MAP4K4: variants seen among roughly 807,000 people sequenced by gnomAD.
MAP4K4 encodes the protein HPK/GCK-like kinase HGK.
Under a neutral mutation model 189.6 loss-of-function variants are expected in MAP4K4, and 38 were observed. The ratio of observed to expected loss-of-function variants is 0.20; its 90% CI spans 0.15 to 0.26. The LOEUF is 0.26. Ranked by LOEUF, MAP4K4 falls within the 10% of genes least tolerant of loss-of-function variation. MAP4K4 has a pLI of 1.00. For missense variants in MAP4K4, 1,054 were observed against 1,726.9 expected (o/e 0.61, Z 6.91); for synonymous variants, 610 against 624.3 (o/e 0.98, Z 0.34).
chr2:101,819,042 G>C (rs1221256196), intron 3 of MAP4K4, among the ~76,000 whole-genome samples: 1 of 152,182 alleles, frequency 6.6e-6, no homozygotes, highest in East Asian at 1.9e-4. Flanking sequence ...TTTGGACTCT[G>C]CCTGGACACA....
chr2:101,824,439 C>T (rs951580217), intron 4 of MAP4K4, among the ~76,000 whole-genome samples: 2 of 152,070 alleles, frequency 1.3e-5, no homozygotes, highest in African/African-American at 4.8e-5. Context: ...AGAGACAGAT[C>T]TCAAGAAACA....
rs148971536 is a variant in MAP4K4, at chr2:101,717,130, T to C, written c.123+18592T>C. Among the ~76,000 whole-genome samples, 5 of 152,302 alleles carry C rather than the reference T, an allele frequency of 3.3e-5. No homozygotes were observed. In the East Asian group the frequency reaches 9.7e-4, roughly 29 times the overall value. ...TGATAAATAAGTCATGAATTTAGCC[T>C]GGGCTTTTGGTGCTCAAATACCTTA... On this transcript the variant is annotated intron_variant, in intron 2 of 32. Transcript: ENST00000324219.
intron 2 of MAP4K4, among the ~76,000 whole-genome samples, chr2:101,754,063 A>C (rs1473418484): frequency 6.6e-6 from 1 of 152,172 alleles, no homozygotes; most frequent in Non-Finnish European, 1.5e-5. Flanking sequence ...TGTTAACTGC[A>C]AAGGCTCAAT....
At chr2:101,762,382 T>C (rs1363508400) in intron 2 of MAP4K4, among the ~76,000 whole-genome samples, 2 of 152,198 alleles carry the variant, frequency 1.3e-5, no homozygotes, top group East Asian at 1.9e-4. Context: ...CCTGCATCCT[T>C]GTCCCCCTGG....
At chr2:101,748,535 G>A (rs1249984260) in intron 2 of MAP4K4, among the ~76,000 whole-genome samples, 1 of 152,182 alleles carries the variant, frequency 6.6e-6, no homozygotes, top group Non-Finnish European at 1.5e-5. Flanking sequence ...GAGGCCAGGT[G>A]CGTTGTCTGT....
At chr2:101,882,807 G>T (rs1216731259) in intron 28 of MAP4K4, 122 bp downstream of exon 28, 2 of 979,766 alleles carry the variant, frequency 2.0e-6, no homozygotes, top group Non-Finnish European at 1.5e-6. Context: ...GAAACACGTG[G>T]ATCATTTCTG....
chr2:101,770,014 T>C (rs969712004), intron 2 of MAP4K4, among the ~76,000 whole-genome samples: 1 of 152,144 alleles, frequency 6.6e-6, no homozygotes, highest in African/African-American at 2.4e-5. Flanking sequence ...ACATTCTGGC[T>C]TTTACTAATT....
intron 2 of MAP4K4, among the ~76,000 whole-genome samples, 175 bp downstream of exon 2, chr2:101,698,713 G>A (rs560742965): frequency 6.6e-6 from 1 of 152,278 alleles, no homozygotes; most frequent in Non-Finnish European, 1.5e-5. Context: ...TTTATATTCA[G>A]ACTGGCCTTA....
At position 101,729,101 on chromosome 2, in the gene MAP4K4, A is replaced by AGTGTGTGTGTGTGTGTGT. The variant is rs57635166; in HGVS notation, c.123+30576_123+30593dup. 9.3e-4 allele frequency among the ~76,000 whole-genome samples: 122 copies of AGTGTGTGTGTGTGTGTGT among 130,602 alleles called. 1 individual carries two copies. The highest frequency in any genetic ancestry group is 4.9e-3 in the East Asian group (21 of 4,292). 85.7% of individuals were successfully genotyped at this position (130,602 alleles called of 152,430 possible). On this transcript the variant is annotated intron_variant, in intron 2 of 32. Coordinates refer to ENST00000324219, the Ensembl canonical transcript of MAP4K4. ...AGGAGAGAGAGAGAGAGAGAGAGAG[A>AGTGTGTGTGTGTGTGTGT]GTGTGTGTGTGTGTGTGTGTGTGTG...
At chr2:101,705,094 T>G (rs1388428299) in intron 2 of MAP4K4, among the ~76,000 whole-genome samples, 1 of 152,196 alleles carries the variant, frequency 6.6e-6, no homozygotes, top group African/African-American at 2.4e-5. Flanking sequence ...TGATAAGTTT[T>G]AGGACATCCC....
At chr2:101,790,271 A>T (rs1198208162) in intron 2 of MAP4K4, among the ~76,000 whole-genome samples, 1 of 150,846 alleles carries the variant, frequency 6.6e-6, no homozygotes, top group Non-Finnish European at 1.5e-5. Context: ...TTTGGGGATC[A>T]TTTTTTTTTC....
intron 2 of MAP4K4, among the ~76,000 whole-genome samples, chr2:101,772,494 G>A (rs965972625): frequency 2.0e-5 from 3 of 152,152 alleles, no homozygotes; most frequent in African/African-American, 7.2e-5. Context: ...TTTTTAAATT[G>A]TGGACTATTA....
chr2:101,698,112 TG>T lies in MAP4K4; in HGVS notation c.34del (p.Asp12ThrfsTer59). On this transcript the variant is annotated frameshift_variant, in exon 1 of 33. Transcript: ENST00000324219. LOFTEE classifies it high-confidence loss of function. ...AACGACTCCCCTGCAAAAAGTCTGGTGGACATCGACCTCTCCTCCCTGCGGG... is the reference window on the plus strand; with the variant it reads ...AACGACTCCCCTGCAAAAAGTCTGGTGACATCGACCTCTCCTCCCTGCGGG... The T allele has an allele frequency of 7.7e-7, 1 of 1,291,438 alleles. No individual in the cohort carries two copies. Among genetic ancestry groups the T allele is most frequent in the South Asian group, 1.3e-5 (1 of 76,456 alleles). 80.0% of individuals were successfully genotyped at this position (1,291,438 alleles called of 1,614,324 possible). A position where few individuals can be genotyped will look rare whatever the true frequency, so the allele number is the denominator to read the frequency against.
intron 2 of MAP4K4, among the ~76,000 whole-genome samples, chr2:101,752,501 A>G (rs961880601): frequency 6.6e-6 from 1 of 152,140 alleles, no homozygotes; most frequent in Non-Finnish European, 1.5e-5. Flanking sequence ...TATAGTGCCT[A>G]GCCTATTTTC....
intron 10 of MAP4K4, among the ~76,000 whole-genome samples, chr2:101,842,308 A>G (rs1420361559): frequency 6.6e-6 from 1 of 152,154 alleles, no homozygotes; most frequent in Non-Finnish European, 1.5e-5. Flanking sequence ...TTTCTCATGT[A>G]TCAGGGGCTC....
intron 2 of MAP4K4, among the ~76,000 whole-genome samples, chr2:101,714,025 T>A (rs1471086083): frequency 1.3e-5 from 2 of 151,064 alleles, no homozygotes; most frequent in Non-Finnish European, 3.0e-5. Context: ...TTAATATCTT[T>A]GTCTTAGAAC....
intron 2 of MAP4K4, among the ~76,000 whole-genome samples, chr2:101,732,971 C>G (rs914179612): frequency 2.0e-5 from 3 of 152,270 alleles, no homozygotes; most frequent in African/African-American, 7.2e-5. Context: ...GTATTTAGAG[C>G]TTAGCAGCTG....
chr2:101,785,747 T>A, intron 2 of MAP4K4, among the ~76,000 whole-genome samples: 1 of 7,656 alleles, frequency 1.3e-4, no homozygotes, highest in South Asian at 3.9e-3. Flanking sequence ...TCTCTCTCTC[T>A]CTCTCTCTCT....
intron 2 of MAP4K4, among the ~76,000 whole-genome samples, chr2:101,763,402 G>C (rs567479076): frequency 6.6e-6 from 1 of 152,196 alleles, no homozygotes; most frequent in Non-Finnish European, 1.5e-5. Context: ...CAGGTCAGAT[G>C]ACTTTGGATA....
Sources: allele counts gnomAD v4.1 joint callset (sites outside exome capture counted in the v4.1 genomes callset), GRCh38; gene constraint gnomAD v4.1.1; transcripts MANE v1.5; gene names NCBI Gene and HGNC (gene_info 2026-07-23, HGNC 2026-07-21).